NRK: variants seen among roughly 807,000 people sequenced by gnomAD.
The protein encoded by NRK is Nik related kinase, also known as nik-related protein kinase.
A neutral mutation model predicts 125.2 loss-of-function variants in NRK; 67 were observed. The ratio of observed to expected loss-of-function variants is 0.54; its 90% confidence interval spans 0.44 to 0.66. The LOEUF is 0.66. NRK is among the 30% of genes least tolerant of loss of function. NRK has a pLI of 0.00. For missense variants in NRK, 1,224 were observed against 1,192.9 expected (o/e 1.03, Z -0.38); for synonymous variants, 458 against 429.0 (o/e 1.07, Z -0.84).
intron 12 of NRK, among the ~76,000 whole-genome samples, 172 bp downstream of exon 12, chrX:105,908,475 C>T (rs1234765129): frequency 8.9e-6 from 1 of 111,735 alleles, no homozygotes; most frequent in African/African-American, 3.2e-5. Context: ...TTATTACTAC[C>T]CAAAGACTCC....
intron 13 of NRK, among the ~76,000 whole-genome samples, chrX:105,911,248 T>C (rs1194528055): frequency 8.9e-6 from 1 of 112,097 alleles, no homozygotes; most frequent in Non-Finnish European, 1.9e-5. Context: ...AAAAAGTGAA[T>C]ATAATTTTAC....
intron 2 of NRK, among the ~76,000 whole-genome samples, chrX:105,862,384 A>AT (rs1228847657): frequency 9.0e-6 from 1 of 110,788 alleles, no homozygotes; most frequent in African/African-American, 3.3e-5. Flanking sequence ...AAATCTAAGA[A>AT]TTTTTTTACT....
chrX:105,919,497 G>A lies in NRK; in HGVS notation c.2512+1825G>A, dbSNP rs868396059. Among the ~76,000 whole-genome samples, 23 of 111,774 alleles carry A rather than the reference G, an allele frequency of 2.1e-4. No individual in the cohort carries two copies. The Middle Eastern group carries it at 0.014, about 67-fold the overall frequency. On this transcript the variant is annotated intron_variant, in intron 16 of 28. Transcript: ENST00000243300. ...AATGAAAATTAAATAAAATTTAAAA[G>A]TCACTTTCTCAGGCACACTGGCCAC...
In NRK at chrX:105,915,679, G is replaced by C. The variant is rs188210083; in HGVS notation, c.2350-51G>C. 760 of 667,870 alleles carry C rather than the reference G, an allele frequency of 1.1e-3. 5 individuals are homozygous for C. Among genetic ancestry groups the C allele is most frequent in the Admixed American group, 8.9e-3 (357 of 40,060 alleles). The allele number at this position is 667,870 out of a possible 1,213,427, so 55.0% of individuals were successfully genotyped here. On this transcript the variant is annotated intron_variant, in intron 14 of 28. Transcript: ENST00000243300. ...CATTTTCCCACAAATTAAGAGCTCA[G>C]TACAATTTATGATCAAGAATTCTAC...
chrX:105,857,102 C>T (rs1832598943), intron 2 of NRK, among the ~76,000 whole-genome samples: 1 of 111,513 alleles, frequency 9.0e-6, no homozygotes, highest in African/African-American at 3.3e-5. Context: ...AATTTTGAGA[C>T]AATAACCAGC....
chrX:105,822,722 C>T lies in NRK; in HGVS notation c.-124C>T. On this transcript the variant is annotated 5_prime_UTR_variant, in exon 1 of 29. Coordinates refer to ENST00000243300, the MANE Select transcript of NRK (RefSeq NM_198465.4). ...TATCTCCCACGCCACGAACCCCGAT[C>T]CCCAGACTCCTCTCTCCCGCCCTCC... 1 of 664,333 alleles carries T rather than the reference C, an allele frequency of 1.5e-6. No individual in the cohort carries two copies. Among genetic ancestry groups the T allele is most frequent in the Non-Finnish European group, 2.4e-6 (1 of 415,309 alleles). 54.7% of individuals were successfully genotyped at this position (664,333 alleles called of 1,213,427 possible). A position where few individuals can be genotyped will look rare whatever the true frequency, so the allele number is the denominator to read the frequency against.
intron 2 of NRK, among the ~76,000 whole-genome samples, chrX:105,833,881 A>T (rs2039227409): frequency 9.0e-6 from 1 of 111,494 alleles, no homozygotes; most frequent in African/African-American, 3.3e-5. Context: ...GGTGTACTCT[A>T]GGGTTATGGC....
chrX:105,915,924 C>A, intron 15 of NRK, 127 bp downstream of exon 15: 1 of 401,885 alleles, frequency 2.5e-6, no homozygotes, highest in Admixed American at 4.0e-5. Flanking sequence ...TCACCATTGA[C>A]TTTATTGGCC....
chrX:105,899,194 T>C (rs1332328020), intron 8 of NRK, among the ~76,000 whole-genome samples: 2 of 112,362 alleles, frequency 1.8e-5, no homozygotes, highest in African/African-American at 6.5e-5. Context: ...AGAAAATCAG[T>C]GTAATAGACA....
Position 105,906,573 on chromosome X carries a change from A to G in NRK, c.1005A>G (p.Lys335=). 9.4e-7 allele frequency: 1 copy of G among 1,061,556 alleles called. No homozygotes were observed. The highest frequency in any genetic ancestry group is 2.7e-5 in the Admixed American group (1 of 37,651). The allele number at this position is 1,061,556 out of a possible 1,213,427, so 87.5% of individuals were successfully genotyped here. Residue 335 remains lysine (K), a synonymous_variant, in exon 11 of 29, where the codon AAA becomes AAG. Transcript: ENST00000243300. ...SLTRHLTGII[K]KRQKKGIPLI... ...CAAGGCATCTTACTGGAATCATTAA[A>G]AAAAGACAGAAAAAAGGTAGAATCT...
At chrX:105,888,505 A>G in intron 5 of NRK, 86 bp downstream of exon 5, 1 of 808,600 alleles carries the variant, frequency 1.2e-6, no homozygotes, top group Non-Finnish European at 1.7e-6. Flanking sequence ...ACTTTTGTGC[A>G]TCTACAGGAA....
intron 5 of NRK, among the ~76,000 whole-genome samples, chrX:105,893,555 A>G (rs1157958988): frequency 8.9e-6 from 1 of 111,878 alleles, no homozygotes; most frequent in Non-Finnish European, 1.9e-5. Flanking sequence ...ATATACAAAC[A>G]CCACCTATCC....
chrX:105,949,582 A>G lies in NRK; in HGVS notation c.4361A>G (p.Glu1454Gly), dbSNP rs778055963. 2.5e-6 allele frequency: 3 copies of G among 1,192,734 alleles called. No homozygotes were observed. Among genetic ancestry groups the G allele is most frequent in the East Asian group, 3.0e-5 (1 of 33,673 alleles). ...SDVTLPKNPL[E>G]IIIPQNIIIL... ...TATGAAACATAATTCCAGCCCCTGGAAATCATTATACCACAGAATATCATC... is the reference window on the plus strand; with the variant it reads ...TATGAAACATAATTCCAGCCCCTGGGAATCATTATACCACAGAATATCATC... Residue 1454 changes from glutamate (E) to glycine (G), a missense_variant, in exon 27 of 29, where the codon GAA becomes GGA. Coordinates refer to ENST00000243300, the MANE Select transcript of NRK (RefSeq NM_198465.4).
Position 105,909,217 on chromosome X carries a change from G to T in NRK, c.1576G>T (p.Val526Leu). Residue 526 changes from valine to leucine, a missense_variant, in exon 13 of 29, where the codon GTA becomes TTA. Transcript: ENST00000243300. The stretch of plus-strand genomic sequence containing the variant: ...AGAGGAATTTCAGGGTCAAGATCAG[G>T]TACCCGAACAACAAAGGCAGGGCCA... ...VPEEFQGQDQ[V>L]PEQQRQGQAP... is the part of the protein sequence containing the mutation. 8.3e-7 allele frequency: 1 copy of T among 1,210,125 alleles called. No homozygotes were observed. Among genetic ancestry groups the T allele is most frequent in the Non-Finnish European group, 1.1e-6 (1 of 894,752 alleles).
intron 5 of NRK, 73 bp downstream of exon 5, chrX:105,888,492 A>G (rs112198239): frequency 5.5e-6 from 5 of 911,745 alleles, no homozygotes; most frequent in African/African-American, 2.0e-5. Context: ...TTCATGAGTT[A>G]TCACTTTTGT....
At chrX:105,892,326 A>G (rs914936733) in intron 5 of NRK, among the ~76,000 whole-genome samples, 5 of 112,297 alleles carry the variant, frequency 4.5e-5, no homozygotes, top group African/African-American at 1.6e-4. Flanking sequence ...TGAAGGATGA[A>G]TAAACATTTA....
intron 9 of NRK, among the ~76,000 whole-genome samples, chrX:105,901,634 G>T (rs1045317752): frequency 7.2e-5 from 8 of 111,290 alleles, no homozygotes; most frequent in African/African-American, 2.6e-4. Context: ...TCAAGAAATA[G>T]AAATAATGGT....
intron 9 of NRK, among the ~76,000 whole-genome samples, chrX:105,901,179 CT>C (rs1332956164): frequency 9.1e-6 from 1 of 110,137 alleles, no homozygotes; most frequent in African/African-American, 3.3e-5. Context: ...GTCAATTCAA[CT>C]TACCTTTGTG....
chrX:105,928,014 G>C (rs910465483), intron 19 of NRK, among the ~76,000 whole-genome samples: 1 of 111,516 alleles, frequency 9.0e-6, no homozygotes, highest in African/African-American at 3.3e-5. Context: ...CACAGAATGA[G>C]TTTGGAAGAA....
Sources: allele counts gnomAD v4.1 joint callset (sites outside exome capture counted in the v4.1 genomes callset), GRCh38; gene constraint gnomAD v4.1.1; transcripts MANE v1.5; gene names NCBI Gene and HGNC (gene_info 2026-07-23, HGNC 2026-07-21).